GPR158: variants seen among roughly 807,000 people sequenced by gnomAD.
The protein encoded by GPR158 is G protein-coupled receptor 158, also known as metabotropic glycine receptor.
A neutral mutation model predicts 78.2 loss-of-function variants in GPR158; 30 were observed. The ratio of observed to expected loss-of-function variants is 0.38; its 90% CI spans 0.29 to 0.52. The LOEUF (loss-of-function observed/expected upper bound fraction) is 0.52. Among genes scored for constraint, GPR158 ranks in the 20% least tolerant of loss-of-function variants. The pLI is 0.83. For synonymous variants in GPR158, 581 were observed against 591.1 expected (o/e 0.98, Z 0.25); for missense variants, 1,463 against 1,523.5 (o/e 0.96, Z 0.66).
At chr10:25,291,039 A>T (rs968057040) in intron 2 of GPR158, among the ~76,000 whole-genome samples, 9 of 152,088 alleles carry the variant, frequency 5.9e-5, no homozygotes, top group African/African-American at 2.2e-4. Flanking sequence ...TGCCTTCTGC[A>T]TGCAGCCATA....
intron 5 of GPR158, among the ~76,000 whole-genome samples, chr10:25,473,398 A>C (rs1362899734): frequency 6.6e-6 from 1 of 152,058 alleles, no homozygotes; most frequent in Non-Finnish European, 1.5e-5. Context: ...TTCATCAGGG[A>C]TATTGGTCTA....
At chr10:25,429,527 C>T (rs1931292) in intron 4 of GPR158, among the ~76,000 whole-genome samples, 87,966 of 151,910 alleles carry the variant, frequency 0.58, 26,770 homozygotes, top group Non-Finnish European at 0.68. Flanking sequence ...TTCCTTAAAA[C>T]TTCTTTTGTT....
chr10:25,187,908 G>T (rs192291190), intron 1 of GPR158, among the ~76,000 whole-genome samples: 13 of 151,100 alleles, frequency 8.6e-5, no homozygotes, highest in East Asian at 3.9e-4. Context: ...CAAAATCTCC[G>T]TAAGCTGATA....
At chr10:25,444,468 GT>G (rs1175593718) in intron 4 of GPR158, among the ~76,000 whole-genome samples, 1 of 151,548 alleles carries the variant, frequency 6.6e-6, no homozygotes, top group East Asian at 1.9e-4. Flanking sequence ...GTGGGTGTGT[GT>G]GGAGGTGCAT....
intron 9 of GPR158, 48 bp downstream of exon 9, chr10:25,594,445 A>G (rs1837376809): frequency 2.4e-6 from 2 of 823,162 alleles, no homozygotes; most frequent in South Asian, 3.2e-5. Flanking sequence ...ATTTTTAATG[A>G]ACATGGAGTT....
intron 7 of GPR158, among the ~76,000 whole-genome samples, chr10:25,588,056 G>A (rs892855380): frequency 8.5e-5 from 13 of 152,104 alleles, no homozygotes; most frequent in African/African-American, 2.9e-4. Context: ...CTCAAAATGA[G>A]ATAAAATAGC....
chr10:25,435,361 T>G (rs1326016917), intron 4 of GPR158, among the ~76,000 whole-genome samples: 2 of 152,174 alleles, frequency 1.3e-5, no homozygotes, highest in African/African-American at 2.4e-5. Flanking sequence ...TAAATGAGGT[T>G]GTTTCTGAAG....
intron 4 of GPR158, among the ~76,000 whole-genome samples, chr10:25,449,830 A>G (rs1835189836): frequency 6.6e-6 from 1 of 152,194 alleles, no homozygotes; most frequent in South Asian, 2.1e-4. Flanking sequence ...CTTGTTGTAC[A>G]TCATGAATTT....
At chr10:25,204,233 A>T (rs544622832) in intron 1 of GPR158, among the ~76,000 whole-genome samples, 1 of 152,174 alleles carries the variant, frequency 6.6e-6, no homozygotes, top group Non-Finnish European at 1.5e-5. Context: ...TTCCTAATTG[A>T]ATACCCTTTA....
chr10:25,321,349 T>G (rs1443623869), intron 2 of GPR158, among the ~76,000 whole-genome samples: 1 of 152,192 alleles, frequency 6.6e-6, no homozygotes, highest in Non-Finnish European at 1.5e-5. Flanking sequence ...TTAATAAACA[T>G]TTGTACCTGA....
At chr10:25,400,124 C>T (rs1426658859) in intron 3 of GPR158, among the ~76,000 whole-genome samples, 2 of 152,154 alleles carry the variant, frequency 1.3e-5, no homozygotes, top group African/African-American at 2.4e-5. Flanking sequence ...AGCACCTTAT[C>T]TCAAATATTT....
At chr10:25,449,489 T>G (rs1835185245) in intron 4 of GPR158, among the ~76,000 whole-genome samples, 1 of 152,226 alleles carries the variant, frequency 6.6e-6, no homozygotes, top group African/African-American at 2.4e-5. Context: ...GTGACACTCA[T>G]GAAGTACCGT....
intron 2 of GPR158, among the ~76,000 whole-genome samples, chr10:25,359,395 C>A (rs578045636): frequency 4.3e-4 from 66 of 152,204 alleles, no homozygotes; most frequent in Non-Finnish European, 7.4e-4. Flanking sequence ...TCTCCTAATG[C>A]TATCCCTCCC....
chr10:25,311,738 T>C (rs993778776), intron 2 of GPR158, among the ~76,000 whole-genome samples: 11 of 152,062 alleles, frequency 7.2e-5, no homozygotes, highest in Non-Finnish European at 1.2e-4. Flanking sequence ...CCTATTAATC[T>C]TTAGCTTATT....
chr10:25,245,350 A>G (rs986650936), intron 2 of GPR158, among the ~76,000 whole-genome samples: 5 of 152,198 alleles, frequency 3.3e-5, no homozygotes, highest in African/African-American at 1.2e-4. Flanking sequence ...GAGTCATAGG[A>G]TCATGGGATA....
intron 4 of GPR158, among the ~76,000 whole-genome samples, chr10:25,421,827 G>C (rs1834755746): frequency 6.6e-6 from 1 of 151,782 alleles, no homozygotes; most frequent in Non-Finnish European, 1.5e-5. Flanking sequence ...ATTTAATCAA[G>C]AGTTACTTGC....
At chr10:25,298,801 GA>G (rs1854552197) in intron 2 of GPR158, among the ~76,000 whole-genome samples, 1 of 152,104 alleles carries the variant, frequency 6.6e-6, no homozygotes, top group Non-Finnish European at 1.5e-5. Flanking sequence ...AGCTTAAAAA[GA>G]ATGCTTTAGT....
chr10:25,400,167 G>A (rs1285338895), intron 3 of GPR158, among the ~76,000 whole-genome samples: 1 of 152,146 alleles, frequency 6.6e-6, no homozygotes, highest in Non-Finnish European at 1.5e-5. Context: ...ACTTTAGCTA[G>A]GACCTTTGGA....
intron 4 of GPR158, among the ~76,000 whole-genome samples, chr10:25,460,848 C>T (rs1250793705): frequency 1.3e-5 from 2 of 152,196 alleles, no homozygotes; most frequent in Non-Finnish European, 2.9e-5. Context: ...TTTCCAACAG[C>T]ATGTGCTCAC....
Sources: gnomAD v4.1 joint callset for allele counts (sites outside exome capture counted in the v4.1 genomes callset) on GRCh38, gnomAD v4.1.1 for gene constraint, MANE v1.5 for transcripts, NCBI Gene and HGNC (gene_info 2026-07-23, HGNC 2026-07-21) for gene names.